The following HS6ST3 variants were observed in gnomAD, a reference collection of about 807,000 sequenced individuals.
HS6ST3 encodes the protein heparan-sulfate 6-O-sulfotransferase 3.
A neutral mutation model predicts 36.7 loss-of-function variants in HS6ST3; 12 were observed. That is an observed-to-expected ratio of 0.33 (90% CI 0.21 to 0.53). HS6ST3 has a LOEUF of 0.53. HS6ST3 is among the 20% of genes least tolerant of loss of function. The pLI, the probability that HS6ST3 is intolerant of heterozygous loss-of-function variation, is 0.95. For synonymous variants in HS6ST3, 240 were observed against 257.5 expected (o/e 0.93, Z 0.65); for missense variants, 584 against 640.9 (o/e 0.91, Z 0.96).
chr13:96,417,590 A>ATG (rs148288275), intron 1 of HS6ST3, among the ~76,000 whole-genome samples: 8,014 of 139,872 alleles, frequency 0.057, 240 homozygotes, highest in Non-Finnish European at 0.067. Flanking sequence ...GCATATATAT[A>ATG]TGTGTGTGTG....
At position 96,784,563 on chromosome 13, in the gene HS6ST3, T is replaced by C. The variant is rs973020698; in HGVS notation, c.708-47927T>C. On this transcript the variant is annotated intron_variant, in intron 1 of 1. Transcript: ENST00000376705. ...AAATGAGTTGGATTTGCTTAGAAAT[T>C]AGTGGAGAATAGATTTCTATTTCAA... Among the ~76,000 whole-genome samples, 100 of 152,282 alleles carry C rather than the reference T, an allele frequency of 6.6e-4. 2 individuals carry two copies. The highest frequency in any genetic ancestry group is 2.3e-3 in the African/African-American group (97 of 41,566).
intron 1 of HS6ST3, among the ~76,000 whole-genome samples, chr13:96,742,751 G>T (rs951321005): frequency 6.6e-6 from 1 of 151,756 alleles, no homozygotes; most frequent in East Asian, 1.9e-4. Context: ...TTATGATTAG[G>T]GATATTAATT....
At chr13:96,731,795 A>G (rs185497884) in intron 1 of HS6ST3, among the ~76,000 whole-genome samples, 26 of 152,048 alleles carry the variant, frequency 1.7e-4, no homozygotes, top group African/African-American at 6.3e-4. Flanking sequence ...AGCTGGGACT[A>G]CAGGCATGCA....
chr13:96,593,367 C>T (rs1351384729), intron 1 of HS6ST3, among the ~76,000 whole-genome samples: 3 of 148,952 alleles, frequency 2.0e-5, no homozygotes, highest in South Asian at 2.1e-4. Context: ...TTTTGTTTTT[C>T]GTATTTTTAG....
intron 1 of HS6ST3, among the ~76,000 whole-genome samples, chr13:96,126,580 G>A (rs2053952263): frequency 6.6e-6 from 1 of 152,176 alleles, no homozygotes; most frequent in African/African-American, 2.4e-5. Flanking sequence ...ATAGGGTCGT[G>A]CTGCTGGGGC....
At chr13:96,454,132 A>C (rs1050052701) in intron 1 of HS6ST3, among the ~76,000 whole-genome samples, 2 of 152,044 alleles carry the variant, frequency 1.3e-5, no homozygotes, top group Admixed American at 1.3e-4. Flanking sequence ...CTTTGTGGGC[A>C]GTAGATGTTG....
chr13:96,170,381 G>A (rs2139334027), intron 1 of HS6ST3, among the ~76,000 whole-genome samples: 1 of 152,344 alleles, frequency 6.6e-6, no homozygotes, highest in Middle Eastern at 3.4e-3. Context: ...GCCGCCAATG[G>A]AAGAGAAAAC....
At chr13:96,749,943 G>A (rs1395477259) in intron 1 of HS6ST3, among the ~76,000 whole-genome samples, 2 of 151,358 alleles carry the variant, frequency 1.3e-5, no homozygotes, top group East Asian at 3.9e-4. Flanking sequence ...CTAATCCATG[G>A]GCATAAGAAT....
intron 1 of HS6ST3, among the ~76,000 whole-genome samples, chr13:96,360,421 C>T (rs1036539822): frequency 9.9e-5 from 15 of 151,978 alleles, no homozygotes; most frequent in African/African-American, 3.6e-4. Flanking sequence ...GACCTTCAAG[C>T]TGGTTGTGGA....
At chr13:96,127,311 C>T (rs941119862) in intron 1 of HS6ST3, among the ~76,000 whole-genome samples, 1 of 152,062 alleles carries the variant, frequency 6.6e-6, no homozygotes, top group African/African-American at 2.4e-5. Flanking sequence ...GGTTGGAGGT[C>T]GGGGGATGGT....
intron 1 of HS6ST3, among the ~76,000 whole-genome samples, chr13:96,795,496 A>C (rs1421070808): frequency 6.6e-6 from 1 of 152,078 alleles, no homozygotes; most frequent in African/African-American, 2.4e-5. Flanking sequence ...TTTGAAAGCC[A>C]GTCCTTTTGA....
chr13:96,156,326 T>TAA (rs1485679166), intron 1 of HS6ST3, among the ~76,000 whole-genome samples: 1 of 152,188 alleles, frequency 6.6e-6, no homozygotes, highest in African/African-American at 2.4e-5. Flanking sequence ...TCCTGCTTCT[T>TAA]ACAGTGCAGA....
chr13:96,760,148 T>TTCTTTAAAC (rs1192164127), intron 1 of HS6ST3, among the ~76,000 whole-genome samples: 1 of 152,068 alleles, frequency 6.6e-6, no homozygotes. Context: ...ATTCTCTATC[T>TTCTTTAAAC]TCTTTAAACT....
chr13:96,667,599 C>T lies in HS6ST3; in HGVS notation c.708-164891C>T, dbSNP rs949157785. Among the ~76,000 whole-genome samples, 78 of 152,118 alleles carry T rather than the reference C, an allele frequency of 5.1e-4. 1 individual carries two copies. The highest frequency in any genetic ancestry group is 1.8e-3 in the African/African-American group (75 of 41,502). ...AAATGTAAATTTCACTGAAATCACA[C>T]GTGGGGAAACATTTATTAACTTATT... On this transcript the variant is annotated intron_variant, in intron 1 of 1. Transcript: ENST00000376705.
At chr13:96,426,877 C>G (rs1415085107) in intron 1 of HS6ST3, among the ~76,000 whole-genome samples, 1 of 152,106 alleles carries the variant, frequency 6.6e-6, no homozygotes. Flanking sequence ...AATATGACTG[C>G]CTATCTTTTG....
intron 1 of HS6ST3, among the ~76,000 whole-genome samples, chr13:96,236,227 T>A (rs1340633280): frequency 6.6e-6 from 1 of 152,106 alleles, no homozygotes; most frequent in Non-Finnish European, 1.5e-5. Flanking sequence ...AGATTAAGGG[T>A]GGGTCTGCCT....
intron 1 of HS6ST3, among the ~76,000 whole-genome samples, chr13:96,439,806 T>C (rs942016769): frequency 1.3e-5 from 2 of 152,188 alleles, no homozygotes; most frequent in African/African-American, 4.8e-5. Flanking sequence ...AAAACAAGAA[T>C]AGAAGATTGT....
chr13:96,763,756 G>A (rs569670102), intron 1 of HS6ST3, among the ~76,000 whole-genome samples: 1 of 152,128 alleles, frequency 6.6e-6, no homozygotes, highest in African/African-American at 2.4e-5. Context: ...GAGTTAATTT[G>A]TGTAAAGTGC....
At chr13:96,514,422 A>T (rs2056063707) in intron 1 of HS6ST3, among the ~76,000 whole-genome samples, 1 of 152,170 alleles carries the variant, frequency 6.6e-6, no homozygotes, top group Non-Finnish European at 1.5e-5. Context: ...TGTGGACTGA[A>T]TTGTGTCCCC....
Sources: allele counts gnomAD v4.1 joint callset (sites outside exome capture counted in the v4.1 genomes callset), GRCh38; gene constraint gnomAD v4.1.1; transcripts MANE v1.5; gene names NCBI Gene and HGNC (gene_info 2026-07-23, HGNC 2026-07-21).